Variants in SYNDIG1L observed in about 807,000 individuals in gnomAD.
The protein encoded by SYNDIG1L is synapse differentiation-inducing gene protein 1-like.
In SYNDIG1L, 13 loss-of-function variants were observed where a neutral mutation model predicts 20.1. That is an observed-to-expected ratio of 0.65 (90% CI 0.42 to 1.03). The LOEUF (loss-of-function observed/expected upper bound fraction) is 1.03, where lower values mean the gene tolerates loss of function less well. SYNDIG1L is among the 50% of genes least tolerant of loss of function. The probability of loss-of-function intolerance (pLI) is 0.00; values close to 1 mark genes in which losing one functional copy is unlikely to be tolerated. For synonymous variants in SYNDIG1L, 128 were observed against 129.3 expected (o/e 0.99, Z 0.07); for missense variants, 294 against 305.1 (o/e 0.96, Z 0.27).
At chr14:74,453,822 C>T in the SYNDIG1L span, among the ~76,000 whole-genome samples, 4 of 151,808 alleles carry the variant, frequency 2.6e-5, no homozygotes, top group East Asian at 1.9e-4. Context: ...AAAAATTAGC[C>T]GGGTGTGGTG....
chr14:74,450,949 G>A, the SYNDIG1L span, among the ~76,000 whole-genome samples: 2 of 152,146 alleles, frequency 1.3e-5, no homozygotes, highest in Non-Finnish European at 2.9e-5. Context: ...AGAGTGGAAA[G>A]CTATACCTTG....
At chr14:74,457,393 G>A in the SYNDIG1L span, among the ~76,000 whole-genome samples, 2 of 151,980 alleles carry the variant, frequency 1.3e-5, no homozygotes, top group Admixed American at 1.3e-4. Flanking sequence ...CCTGCACTGA[G>A]GAGAAACAGC....
At chr14:74,435,113 T>G in the SYNDIG1L span, among the ~76,000 whole-genome samples, 1 of 136,388 alleles carries the variant, frequency 7.3e-6, no homozygotes, top group Non-Finnish European at 1.6e-5. Context: ...AAAAAAAATC[T>G]AGGGGAAGAC....
intron 1 of SYNDIG1L, among the ~76,000 whole-genome samples, chr14:74,417,885 A>C (rs1473316620): frequency 6.6e-6 from 1 of 152,188 alleles, no homozygotes; most frequent in Non-Finnish European, 1.5e-5. Flanking sequence ...TTAGCAGCCC[A>C]GGGGTAGCTG....
chr14:74,434,122 A>G, the SYNDIG1L span, among the ~76,000 whole-genome samples: 1 of 152,248 alleles, frequency 6.6e-6, no homozygotes, highest in Non-Finnish European at 1.5e-5. Context: ...ACAAAATGCT[A>G]TTAAGGGTTG....
chr14:74,462,142 G>A, the SYNDIG1L span, among the ~76,000 whole-genome samples: 1 of 148,914 alleles, frequency 6.7e-6, no homozygotes, highest in Non-Finnish European at 1.5e-5. Context: ...GTTGCAGGAT[G>A]ATTTTGCCTA....
chr14:74,464,639 C>T, the SYNDIG1L span, among the ~76,000 whole-genome samples: 1 of 152,070 alleles, frequency 6.6e-6, no homozygotes, highest in Admixed American at 6.5e-5. Flanking sequence ...AAGAGATGAC[C>T]CCATGAAATC....
intron 1 of SYNDIG1L, among the ~76,000 whole-genome samples, chr14:74,418,032 G>A (rs577348642): frequency 6.6e-6 from 1 of 152,238 alleles, no homozygotes; most frequent in East Asian, 1.9e-4. Flanking sequence ...CTTCCTAATC[G>A]GGCAGAAGAT....
chr14:74,462,883 G>A, the SYNDIG1L span, among the ~76,000 whole-genome samples: 1 of 152,108 alleles, frequency 6.6e-6, no homozygotes, highest in Non-Finnish European at 1.5e-5. Context: ...CCCCTCATGG[G>A]TCAAGGAGCA....
chr14:74,452,674 T>C, the SYNDIG1L span, among the ~76,000 whole-genome samples: 75 of 152,336 alleles, frequency 4.9e-4, no homozygotes, highest in African/African-American at 1.7e-3. Context: ...GAAAACAGTT[T>C]GTCCATTTCT....
chr14:74,435,489 G>A, the SYNDIG1L span, among the ~76,000 whole-genome samples: 4 of 152,214 alleles, frequency 2.6e-5, no homozygotes, highest in Non-Finnish European at 5.9e-5. Context: ...CCAACAGCTG[G>A]TTGGCAGGGG....
At chr14:74,459,331 C>G in the SYNDIG1L span, among the ~76,000 whole-genome samples, 2 of 152,094 alleles carry the variant, frequency 1.3e-5, no homozygotes, top group Non-Finnish European at 2.9e-5. Context: ...ATGGCGAAAC[C>G]CTGTCTCTAT....
intron 1 of SYNDIG1L, among the ~76,000 whole-genome samples, chr14:74,410,076 T>C (rs1198296298): frequency 6.6e-6 from 1 of 152,242 alleles, no homozygotes; most frequent in Non-Finnish European, 1.5e-5. Context: ...TGCCAGGCAC[T>C]GTACTGGATG....
At chr14:74,466,304 A>G in the SYNDIG1L span, among the ~76,000 whole-genome samples, 6 of 152,252 alleles carry the variant, frequency 3.9e-5, no homozygotes, top group South Asian at 2.1e-4. Context: ...GACCAGTTCA[A>G]TGGAAAGCAC....
chr14:74,442,776 G>A, the SYNDIG1L span, among the ~76,000 whole-genome samples: 2 of 152,198 alleles, frequency 1.3e-5, no homozygotes, highest in East Asian at 3.8e-4. Context: ...GGACAGATTA[G>A]GAGATAAAAT....
the SYNDIG1L span, among the ~76,000 whole-genome samples, chr14:74,449,915 AAAG>A: frequency 2.6e-5 from 4 of 152,136 alleles, no homozygotes; most frequent in Non-Finnish European, 5.9e-5. Context: ...ACAGAAAAAC[AAAG>A]AAGAAAATTA....
chr14:74,407,821 A>G (rs760742296), intron 3 of SYNDIG1L, 28 bp downstream of exon 3: 16 of 1,600,702 alleles, frequency 1.0e-5, no homozygotes, highest in Admixed American at 1.7e-5. Flanking sequence ...CGGGCCAGAG[A>G]AGGGACCTGG....
chr14:74,478,036 C>T, the SYNDIG1L span, among the ~76,000 whole-genome samples: 1 of 152,190 alleles, frequency 6.6e-6, no homozygotes, highest in African/African-American at 2.4e-5. Flanking sequence ...TTGTGTTCCC[C>T]TTTTGCTCTG....
At chr14:74,450,348 G>T in the SYNDIG1L span, among the ~76,000 whole-genome samples, 4 of 152,082 alleles carry the variant, frequency 2.6e-5, no homozygotes, top group South Asian at 2.1e-4. Flanking sequence ...GAGGAGGCCA[G>T]TATTACCATA....
Sources: gnomAD v4.1 joint callset for allele counts (sites outside exome capture counted in the v4.1 genomes callset) on GRCh38, gnomAD v4.1.1 for gene constraint, MANE v1.5 for transcripts, NCBI Gene and HGNC (gene_info 2026-07-23, HGNC 2026-07-21) for gene names.